TULP4: variants seen among roughly 807,000 people sequenced by gnomAD.
TULP4 encodes tubby-related protein 4.
Under a neutral mutation model 129.0 loss-of-function variants are expected in TULP4, and 16 were observed. That is an observed-to-expected ratio of 0.12 (90% CI 0.08 to 0.19). The LOEUF (loss-of-function observed/expected upper bound fraction) is 0.19. TULP4 is among the 10% of genes least tolerant of loss of function. The pLI, the probability that TULP4 is intolerant of heterozygous loss-of-function variation, is 1.00. For synonymous variants in TULP4, 998 were observed against 854.0 expected, an observed-to-expected ratio of 1.17 and a Z score of -2.94; for missense variants, 1,842 against 2,059.1, an observed-to-expected ratio of 0.89 and a Z score of 2.04.
At chr6:158,460,531 A>C (rs892428385) in intron 5 of TULP4, among the ~76,000 whole-genome samples, 1 of 152,202 alleles carries the variant, frequency 6.6e-6, no homozygotes. Flanking sequence ...AATTGCTCTC[A>C]TTGGGATAAG....
chr6:158,433,022 C>A (rs1232279196), intron 3 of TULP4, among the ~76,000 whole-genome samples: 1 of 152,158 alleles, frequency 6.6e-6, no homozygotes, highest in Non-Finnish European at 1.5e-5. Context: ...CTTTTTATTT[C>A]CCTAATTGTT....
At chr6:158,438,838 GC>G (rs1423299654) in intron 3 of TULP4, among the ~76,000 whole-genome samples, 2 of 152,058 alleles carry the variant, frequency 1.3e-5, no homozygotes, top group East Asian at 3.9e-4. Context: ...GCCCACCTAG[GC>G]CTCCCAAAAC....
At chr6:158,476,931 C>T (rs1458888300) in intron 6 of TULP4, among the ~76,000 whole-genome samples, 1 of 152,190 alleles carries the variant, frequency 6.6e-6, no homozygotes, top group African/African-American at 2.4e-5. Context: ...CACAGCTCTT[C>T]CACCATTTAT....
At chr6:158,416,590 A>G (rs2362921) in intron 2 of TULP4, among the ~76,000 whole-genome samples, 27,147 of 152,266 alleles carry the variant, frequency 0.18, 3,349 homozygotes, top group East Asian at 0.58. Flanking sequence ...TGAAAAACTG[A>G]AAAGTTTAAA....
rs1891352 is a variant in TULP4, at chr6:158,312,530, C to T, written c.-1487C>T. 0.87 allele frequency: 138,489 copies of T among 159,788 alleles called. 60,389 individuals are homozygous for T. The highest frequency in any genetic ancestry group is 0.92 in the Admixed American group (14,328 of 15,544). 9.9% of individuals were successfully genotyped at this position (159,788 alleles called of 1,614,324 possible). A position where few individuals can be genotyped will look rare whatever the true frequency, so the allele number is the denominator to read the frequency against. On this transcript the variant is annotated 5_prime_UTR_variant, in exon 1 of 14. The change creates a new upstream start codon in the 5' untranslated region. Coordinates refer to ENST00000367097, the MANE Select transcript of TULP4 (RefSeq NM_020245.5). ...TTTTCAGTGGGTTTGGTGATTTGGA[C>T]GGATTAAAATTCTAGACTGAAAAGT...
chr6:158,506,451 T>C, intron 13 of TULP4, 127 bp from the exon 14 acceptor site: 2 of 729,174 alleles, frequency 2.7e-6, no homozygotes, highest in South Asian at 1.4e-5. Flanking sequence ...CAGGGTGGTC[T>C]CTATCTCCTG....
Position 158,501,688 on chromosome 6 carries a change from A to G in TULP4, c.2025A>G (p.Ala675=), listed in dbSNP as rs1387062201. The G allele has an allele frequency of 6.2e-7, 1 of 1,605,612 alleles. No individual in the cohort carries two copies. The highest frequency in any genetic ancestry group is 8.5e-7 in the Non-Finnish European group (1 of 1,173,448). The stretch of plus-strand genomic sequence containing the variant: ...CTAATTTTCTTCCAGTGACAGGAGC[A>G]TCTGGTGTCCCTGAGAACAGCCCAC... The part of the protein sequence containing the change: ...EDEDDLPVTG[A]SGVPENSPPC... The change falls in exon 13 of 14, where the codon GCA becomes GCG. Residue 675 remains alanine (A), a synonymous_variant. Transcript: ENST00000367097.
chr6:158,356,052 T>C (rs1448368500), intron 1 of TULP4, among the ~76,000 whole-genome samples: 5 of 152,222 alleles, frequency 3.3e-5, no homozygotes, highest in Admixed American at 6.5e-5. Flanking sequence ...TGTATAAATG[T>C]GTCAAAATTC....
At chr6:158,331,770 C>CTTATAT (rs1779896815) in intron 1 of TULP4, among the ~76,000 whole-genome samples, 1 of 10,966 alleles carries the variant, frequency 9.1e-5, no homozygotes, top group Non-Finnish European at 2.2e-4. Flanking sequence ...TATATATACA[C>CTTATAT]GTATATATAC....
At chr6:158,362,906 A>G (rs1053300682) in intron 1 of TULP4, among the ~76,000 whole-genome samples, 3 of 152,002 alleles carry the variant, frequency 2.0e-5, no homozygotes, top group Non-Finnish European at 4.4e-5. Flanking sequence ...CTAAAAAAAT[A>G]CAAAAATTAG....
At chr6:158,395,549 C>G (rs1485788678) in intron 1 of TULP4, among the ~76,000 whole-genome samples, 1 of 150,598 alleles carries the variant, frequency 6.6e-6, no homozygotes, top group African/African-American at 2.4e-5. Flanking sequence ...CCATTTCACT[C>G]CAGCCTGGGC....
At chr6:158,285,398 C>T (rs183550563) in intron 1 of TULP4, among the ~76,000 whole-genome samples, 1 of 151,834 alleles carries the variant, frequency 6.6e-6, no homozygotes, top group African/African-American at 2.4e-5. Context: ...AGTCATTATG[C>T]GAGAGTTTTG....
At chr6:158,438,196 T>C (rs1487937066) in intron 3 of TULP4, 2 of 152,244 alleles carry the variant, frequency 1.3e-5, no homozygotes, top group African/African-American at 4.8e-5. Context: ...CCACATATTT[T>C]ACATTTGCTT....
chr6:158,339,131 TAAAGG>T (rs988570611), intron 1 of TULP4, among the ~76,000 whole-genome samples: 1 of 151,952 alleles, frequency 6.6e-6, no homozygotes, highest in African/African-American at 2.4e-5. Flanking sequence ...GTCTGAGAAA[TAAAGG>T]AAAAGAGTAC....
rs1234020306 is a variant in TULP4 at position 158,331,773 on chromosome 6, A to G, written c.252+17505A>G. On this transcript the variant is annotated intron_variant, in intron 1 of 13. Transcript: ENST00000367097. The stretch of plus-strand genomic sequence containing the variant: ...TATATACACGTGTATATATACACGT[A>G]TATATACACACACACATACCTACAT... Among the ~76,000 whole-genome samples, 19 of 95,478 alleles carry G rather than the reference A, an allele frequency of 2.0e-4. 1 individual carries two copies. Among genetic ancestry groups the G allele is most frequent in the Non-Finnish European group, 3.3e-4 (15 of 45,118 alleles). The allele number at this position is 95,478 out of a possible 152,430, so 62.6% of individuals were successfully genotyped here.
At chr6:158,470,531 G>T (rs948897346) in intron 6 of TULP4, among the ~76,000 whole-genome samples, 1 of 152,190 alleles carries the variant, frequency 6.6e-6, no homozygotes, top group African/African-American at 2.4e-5. Flanking sequence ...AATTGGTTGG[G>T]TGTGAGCTAA....
intron 6 of TULP4, among the ~76,000 whole-genome samples, chr6:158,472,935 A>G (rs1010655972): frequency 2.6e-5 from 4 of 152,174 alleles, no homozygotes; most frequent in South Asian, 2.1e-4. Flanking sequence ...ATTCTTGCAT[A>G]TCTGAAAATA....
intron 1 of TULP4, among the ~76,000 whole-genome samples, chr6:158,249,364 A>G (rs1010779028): frequency 3.4e-5 from 5 of 145,018 alleles, no homozygotes; most frequent in African/African-American, 1.2e-4. Flanking sequence ...CTCTTAATAA[A>G]AGACAGAAAG....
intron 7 of TULP4, among the ~76,000 whole-genome samples, chr6:158,480,284 A>G (rs895332661): frequency 6.6e-6 from 1 of 152,254 alleles, no homozygotes; most frequent in Non-Finnish European, 1.5e-5. Context: ...GCATTGCACC[A>G]GTTAATTTTT....
Sources: gnomAD v4.1 joint callset for allele counts (sites outside exome capture counted in the v4.1 genomes callset) on GRCh38, gnomAD v4.1.1 for gene constraint, MANE v1.5 for transcripts, NCBI Gene and HGNC (gene_info 2026-07-23, HGNC 2026-07-21) for gene names.